TCF12: variants seen among roughly 807,000 people sequenced by gnomAD.
The protein encoded by TCF12 is transcription factor 12.
TCF12 carries 45 observed loss-of-function variants against 86.0 expected under a neutral mutation model. The ratio of observed to expected loss-of-function variants is 0.52; its 90% CI spans 0.41 to 0.67. TCF12 has a LOEUF of 0.67. Ranked by LOEUF, TCF12 falls within the 30% of genes least tolerant of loss-of-function variation. The pLI is 0.00. For missense variants in TCF12, 881 were observed against 859.9 expected, an observed-to-expected ratio of 1.02 and a Z score of -0.31; for synonymous variants, 330 against 299.6, an observed-to-expected ratio of 1.10 and a Z score of -1.05.
chr15:57,009,703 G>T (rs766563112), intron 3 of TCF12, among the ~76,000 whole-genome samples: 8 of 152,192 alleles, frequency 5.3e-5, no homozygotes, highest in Admixed American at 1.3e-4. Flanking sequence ...CAAAGATTAA[G>T]TTCACGTAGG....
intron 3 of TCF12, among the ~76,000 whole-genome samples, chr15:57,055,070 T>C (rs540807060): frequency 2.6e-5 from 4 of 152,228 alleles, no homozygotes; most frequent in African/African-American, 9.6e-5. Flanking sequence ...TATATGATAC[T>C]ATTCCCTAGG....
At position 57,212,597 on chromosome 15, in the gene TCF12, GAGAAAA is replaced by G. The variant is rs1486455049; in HGVS notation, c.579+14774_579+14779del. The stretch of plus-strand genomic sequence containing the variant: ...CCTGCCTTGATTTTTCCTTTTAAGA[GAGAAAA>G]ATATTTATCATAATGGAATTTTAAA... On this transcript the variant is annotated intron_variant, in intron 8 of 20. Coordinates refer to ENST00000333725, the MANE Select transcript of TCF12 (RefSeq NM_207037.2). 2.6e-5 allele frequency among the ~76,000 whole-genome samples: 4 copies of G among 152,214 alleles called. No individual in the cohort carries two copies. The East Asian group carries it at 7.7e-4, about 29-fold the overall frequency.
At chr15:57,124,756 C>T (rs957623277) in intron 5 of TCF12, among the ~76,000 whole-genome samples, 3 of 151,996 alleles carry the variant, frequency 2.0e-5, no homozygotes, top group Non-Finnish European at 4.4e-5. Flanking sequence ...CGGCTCACTG[C>T]AAGCTCCGTC....
rs562004187 is a variant in TCF12 at position 57,263,795 on chromosome 15, A to G, written c.1745+521A>G. Reference sequence around the variant, plus strand: ...GTTACTGAACTGAGTGCTGTAGGCAATTGTAACACAATGGTAAGAATTTGT... The same window carrying G: ...GTTACTGAACTGAGTGCTGTAGGCAGTTGTAACACAATGGTAAGAATTTGT... On this transcript the variant is annotated intron_variant, in intron 18 of 20. Coordinates refer to ENST00000333725, the MANE Select transcript of TCF12 (RefSeq NM_207037.2). Among the ~76,000 whole-genome samples, 17 of 152,316 alleles carry G rather than the reference A, an allele frequency of 1.1e-4. No individual in the cohort carries two copies. In the East Asian group the frequency reaches 1.3e-3, roughly 12 times the overall value.
chr15:56,931,889 C>T (rs1319758465), intron 3 of TCF12, among the ~76,000 whole-genome samples: 1 of 152,184 alleles, frequency 6.6e-6, no homozygotes, highest in African/African-American at 2.4e-5. Flanking sequence ...GTTGCTTGTA[C>T]TGTTGCTAGT....
At chr15:56,977,473 T>C (rs1351829589) in intron 3 of TCF12, among the ~76,000 whole-genome samples, 1 of 152,094 alleles carries the variant, frequency 6.6e-6, no homozygotes, top group Non-Finnish European at 1.5e-5. Flanking sequence ...GAGGTTGCTG[T>C]GAGCCAAGAT....
At chr15:57,171,296 A>G (rs1019146741) in intron 6 of TCF12, among the ~76,000 whole-genome samples, 3 of 152,090 alleles carry the variant, frequency 2.0e-5, no homozygotes, top group Non-Finnish European at 4.4e-5. Flanking sequence ...AAAATTCAGC[A>G]GAGTGGAAAG....
chr15:56,993,024 A>G (rs1248265495), intron 3 of TCF12, among the ~76,000 whole-genome samples: 1 of 152,176 alleles, frequency 6.6e-6, no homozygotes, highest in African/African-American at 2.4e-5. Context: ...TGCAGAATAA[A>G]TAATACCAGG....
At chr15:57,178,685 C>T (rs1322882848) in intron 6 of TCF12, among the ~76,000 whole-genome samples, 1 of 152,130 alleles carries the variant, frequency 6.6e-6, no homozygotes, top group Non-Finnish European at 1.5e-5. Flanking sequence ...ATTCAGTTAG[C>T]CCTTTTTAAT....
At chr15:57,213,995 T>C (rs1177263650) in intron 8 of TCF12, 1 of 152,218 alleles carries the variant, frequency 6.6e-6, no homozygotes, top group Non-Finnish European at 1.5e-5. Context: ...CCTTTGATTA[T>C]GGAGCCATCT....
chr15:56,958,650 T>A (rs1307533609), intron 3 of TCF12, among the ~76,000 whole-genome samples: 1 of 149,436 alleles, frequency 6.7e-6, no homozygotes, highest in Non-Finnish European at 1.5e-5. Context: ...ACAGTTTGCC[T>A]GTATATGAGA....
chr15:57,196,909 A>G (rs1453157891), intron 7 of TCF12, among the ~76,000 whole-genome samples: 1 of 152,168 alleles, frequency 6.6e-6, no homozygotes, highest in Non-Finnish European at 1.5e-5. Context: ...TGTATCATAT[A>G]TTGACATTAT....
chr15:57,147,648 G>A (rs1232868566), intron 5 of TCF12, among the ~76,000 whole-genome samples: 1 of 152,104 alleles, frequency 6.6e-6, no homozygotes, highest in Non-Finnish European at 1.5e-5. Context: ...ATTATGAATG[G>A]AAAGAGACAG....
chr15:57,244,564 ATT>A (rs1555406831), intron 13 of TCF12, among the ~76,000 whole-genome samples: 4 of 152,144 alleles, frequency 2.6e-5, no homozygotes, highest in Non-Finnish European at 5.9e-5. Context: ...GGCTCAAGGG[ATT>A]CTCCTGCCTC....
intron 18 of TCF12, among the ~76,000 whole-genome samples, chr15:57,264,373 G>C (rs1355826982): frequency 6.6e-6 from 1 of 151,100 alleles, no homozygotes; most frequent in Admixed American, 6.6e-5. Flanking sequence ...GCTAATTTTT[G>C]TAGTTTTAGT....
chr15:57,259,434 TC>T (rs2060486606), intron 16 of TCF12, among the ~76,000 whole-genome samples: 2 of 152,246 alleles, frequency 1.3e-5, no homozygotes, highest in African/African-American at 4.8e-5. Context: ...TTCCAGTTTG[TC>T]CCTCAATTCA....
At chr15:57,050,865 A>G (rs1199678663) in intron 3 of TCF12, among the ~76,000 whole-genome samples, 4 of 151,944 alleles carry the variant, frequency 2.6e-5, no homozygotes, top group Admixed American at 6.5e-5. Context: ...CTTTTTTTAA[A>G]TGGTTTTCTG....
intron 4 of TCF12, among the ~76,000 whole-genome samples, chr15:57,076,438 A>G (rs566629054): frequency 1.3e-5 from 2 of 152,222 alleles, no homozygotes; most frequent in South Asian, 2.1e-4. Flanking sequence ...CGGGATCACA[A>G]GGTCAGGAGA....
intron 4 of TCF12, among the ~76,000 whole-genome samples, chr15:57,071,109 A>G (rs898042057): frequency 1.1e-4 from 16 of 152,236 alleles, no homozygotes; most frequent in Non-Finnish European, 2.1e-4. Flanking sequence ...ATATTTGCCT[A>G]AAGAGTTACT....
Sources: gnomAD v4.1 joint callset for allele counts (sites outside exome capture counted in the v4.1 genomes callset) on GRCh38, gnomAD v4.1.1 for gene constraint, MANE v1.5 for transcripts, NCBI Gene and HGNC (gene_info 2026-07-23, HGNC 2026-07-21) for gene names.